The following SND1 variants were observed in gnomAD, a reference collection of about 807,000 sequenced individuals.
SND1 encodes the protein staphylococcal nuclease domain-containing protein 1.
SND1 carries 38 observed loss-of-function variants against 121.7 expected under a neutral mutation model. The ratio of observed to expected loss-of-function variants is 0.31; its 90% CI spans 0.24 to 0.41. The LOEUF (loss-of-function observed/expected upper bound fraction) is 0.41. SND1 is among the 10% of genes least tolerant of loss of function. SND1 has a pLI of 1.00. For missense variants in SND1, 868 were observed against 1,184.6 expected, an observed-to-expected ratio of 0.73 and a Z score of 3.92; for synonymous variants, 401 against 447.4, an observed-to-expected ratio of 0.90 and a Z score of 1.31.
chr7:128,000,948 G>C (rs1802812989), intron 16 of SND1, among the ~76,000 whole-genome samples: 1 of 152,174 alleles, frequency 6.6e-6, no homozygotes, highest in Non-Finnish European at 1.5e-5. Flanking sequence ...AGGGGCAACT[G>C]TTCTGGTGGA....
chr7:127,689,567 C>T (rs769712721), intron 2 of SND1, among the ~76,000 whole-genome samples: 5 of 152,150 alleles, frequency 3.3e-5, no homozygotes, highest in Admixed American at 3.3e-4. Flanking sequence ...GTTAACAGGA[C>T]GGTGAAATCT....
intron 2 of SND1, among the ~76,000 whole-genome samples, chr7:127,687,926 A>C (rs942931878): frequency 1.3e-5 from 2 of 151,952 alleles, no homozygotes; most frequent in African/African-American, 4.8e-5. Flanking sequence ...GAATTCAAGC[A>C]ATCTTTCTGC....
intron 16 of SND1, among the ~76,000 whole-genome samples, chr7:128,050,826 C>A (rs1402573755): frequency 6.6e-6 from 1 of 152,226 alleles, no homozygotes; most frequent in Non-Finnish European, 1.5e-5. Context: ...AGAAGATAGG[C>A]AGAGCTGCCG....
At chr7:127,691,473 AGC>A (rs1220230605) in intron 2 of SND1, among the ~76,000 whole-genome samples, 1 of 151,782 alleles carries the variant, frequency 6.6e-6, no homozygotes. Flanking sequence ...GAACCCGGGA[AGC>A]GGAGGTTGCA....
chr7:127,893,365 C>T (rs773023185), intron 13 of SND1, among the ~76,000 whole-genome samples: 5 of 152,078 alleles, frequency 3.3e-5, no homozygotes, highest in Non-Finnish European at 5.9e-5. Context: ...TGGGGGATAT[C>T]ATCTATGTAC....
At chr7:128,051,544 G>C (rs1229182317) in intron 16 of SND1, among the ~76,000 whole-genome samples, 1 of 152,178 alleles carries the variant, frequency 6.6e-6, no homozygotes, top group African/African-American at 2.4e-5. Flanking sequence ...AAATCATATA[G>C]ATCAAAGGAG....
intron 23 of SND1, 33 bp from the exon 24 acceptor site, chr7:128,091,960 C>T (rs769638290): frequency 1.2e-6 from 2 of 1,613,978 alleles, no homozygotes; most frequent in African/African-American, 1.3e-5. Flanking sequence ...GGTCCCGTAT[C>T]CCTGAAGAGC....
At chr7:127,694,560 A>C (rs564777445) in intron 2 of SND1, 1 of 399,134 alleles carries the variant, frequency 2.5e-6, no homozygotes, top group Non-Finnish European at 4.5e-6. Context: ...ATAGGGAAAA[A>C]GTCCTGCTGC....
At chr7:127,667,765 G>A (rs1395001106) in intron 1 of SND1, among the ~76,000 whole-genome samples, 1 of 152,214 alleles carries the variant, frequency 6.6e-6, no homozygotes, top group Non-Finnish European at 1.5e-5. Context: ...CGAAAGCACA[G>A]TCCTTGGAAT....
chr7:128,054,946 C>T (rs1233301413), intron 16 of SND1, among the ~76,000 whole-genome samples: 3 of 152,180 alleles, frequency 2.0e-5, no homozygotes, highest in South Asian at 2.1e-4. Context: ...CCTTTCTTAA[C>T]GATTTAGTTT....
chr7:127,655,516 T>C (rs1408450374), intron 1 of SND1, among the ~76,000 whole-genome samples: 2 of 152,234 alleles, frequency 1.3e-5, no homozygotes, highest in African/African-American at 4.8e-5. Flanking sequence ...TGGAAAAACT[T>C]AAGATGGATT....
intron 12 of SND1, among the ~76,000 whole-genome samples, chr7:127,870,499 C>A (rs1331378863): frequency 1.3e-5 from 2 of 152,168 alleles, no homozygotes; most frequent in African/African-American, 4.8e-5. Flanking sequence ...TAGCCTACTA[C>A]ACACAGAGGC....
At chr7:127,927,376 AC>A (rs1263158340) in intron 14 of SND1, among the ~76,000 whole-genome samples, 2 of 152,186 alleles carry the variant, frequency 1.3e-5, no homozygotes, top group African/African-American at 4.8e-5. Context: ...ATTGTTGTTG[AC>A]TTACTGGTTC....
At chr7:127,740,864 C>G (rs947866576) in intron 10 of SND1, among the ~76,000 whole-genome samples, 1 of 152,094 alleles carries the variant, frequency 6.6e-6, no homozygotes, top group African/African-American at 2.4e-5. Context: ...ACATCAAAAC[C>G]AAATCAAATC....
chr7:127,668,666 T>A (rs2116256290), intron 1 of SND1, among the ~76,000 whole-genome samples: 1 of 152,334 alleles, frequency 6.6e-6, no homozygotes, highest in South Asian at 2.1e-4. Context: ...GCTTAGTGAA[T>A]TTTTGCTCAA....
intron 1 of SND1, 66 bp downstream of exon 1, chr7:127,652,517 A>G: frequency 7.7e-7 from 1 of 1,301,968 alleles, no homozygotes; most frequent in Admixed American, 2.2e-5. Flanking sequence ...CATTGACTCC[A>G]CCTTCCGCCA....
chr7:127,686,868 T>A, intron 2 of SND1, 106 bp downstream of exon 2: 2 of 1,291,126 alleles, frequency 1.5e-6, no homozygotes, highest in East Asian at 2.4e-5. Context: ...ATTTTGAGTA[T>A]TTTTATATCA....
chr7:127,927,161 T>G (rs1800860058), intron 14 of SND1, among the ~76,000 whole-genome samples: 1 of 152,188 alleles, frequency 6.6e-6, no homozygotes, highest in Admixed American at 6.5e-5. Flanking sequence ...TGCTGCAACC[T>G]CCTTGTTAGT....
intron 11 of SND1, among the ~76,000 whole-genome samples, chr7:127,840,797 G>T (rs973958174): frequency 2.0e-5 from 3 of 152,154 alleles, no homozygotes; most frequent in Non-Finnish European, 4.4e-5. Context: ...CTGCCTGCAG[G>T]TGTATATCTT....
Sources: allele counts gnomAD v4.1 joint callset (sites outside exome capture counted in the v4.1 genomes callset), GRCh38; gene constraint gnomAD v4.1.1; transcripts MANE v1.5; gene names NCBI Gene and HGNC (gene_info 2026-07-23, HGNC 2026-07-21).